The following SLC9A9 variants were observed in gnomAD, a reference collection of about 807,000 sequenced individuals.
The protein encoded by SLC9A9 is sodium/hydrogen exchanger 9.
Under a neutral mutation model 77.8 loss-of-function variants are expected in SLC9A9, and 62 were observed. That is an observed-to-expected ratio of 0.80 (90% CI 0.65 to 0.98). The LOEUF is 0.98. Ranked by LOEUF, SLC9A9 falls within the 50% of genes least tolerant of loss-of-function variation. The probability of loss-of-function intolerance (pLI) is 0.00; values close to 1 mark genes in which losing one functional copy is unlikely to be tolerated. For missense variants in SLC9A9, 775 were observed against 774.9 expected, an observed-to-expected ratio of 1.00 and a Z score of 0.00; for synonymous variants, 320 against 283.5, an observed-to-expected ratio of 1.13 and a Z score of -1.29.
chr3:143,439,445 G>T (rs889322197), intron 12 of SLC9A9, among the ~76,000 whole-genome samples: 1 of 151,182 alleles, frequency 6.6e-6, no homozygotes, highest in Non-Finnish European at 1.5e-5. Flanking sequence ...GTTCTCAGAC[G>T]GATGAGGAAA....
At chr3:143,275,246 T>A (rs1938012134) in intron 14 of SLC9A9, among the ~76,000 whole-genome samples, 1 of 152,264 alleles carries the variant, frequency 6.6e-6, no homozygotes, top group Non-Finnish European at 1.5e-5. Flanking sequence ...AATGAACTTG[T>A]GGAAACTTTC....
chr3:143,847,916 A>G, intron 1 of SLC9A9: 1 of 578,432 alleles, frequency 1.7e-6, no homozygotes, highest in Middle Eastern at 4.7e-4. Context: ...ACAGACTTGC[A>G]TTATGTGCCG....
chr3:143,570,125 G>C (rs1480268231), intron 8 of SLC9A9, among the ~76,000 whole-genome samples: 1 of 151,948 alleles, frequency 6.6e-6, no homozygotes, highest in African/African-American at 2.4e-5. Flanking sequence ...CATAGATAAA[G>C]AGTAACTGAA....
rs115116262 is a variant in SLC9A9, at chr3:143,711,267, T to C, written c.534-17960A>G. ...TTTGCAGTTGTAAAGTGAACTTTTG[T>C]AATATTTTGAATCACTTTTCAGAGT... On this transcript the variant is annotated intron_variant, in intron 4 of 15. Transcript: ENST00000316549. 8.4e-4 allele frequency among the ~76,000 whole-genome samples: 128 copies of C among 152,328 alleles called. 1 individual carries two copies. Among genetic ancestry groups the C allele is most frequent in the African/African-American group, 3.1e-3 (127 of 41,584 alleles).
At chr3:143,499,494 C>A (rs1249644417) in intron 9 of SLC9A9, among the ~76,000 whole-genome samples, 1 of 151,986 alleles carries the variant, frequency 6.6e-6, no homozygotes, top group Non-Finnish European at 1.5e-5. Flanking sequence ...GTATTCAGGG[C>A]CTTAGTAAAT....
At chr3:143,443,037 C>T (rs1459057271) in intron 12 of SLC9A9, among the ~76,000 whole-genome samples, 1 of 152,098 alleles carries the variant, frequency 6.6e-6, no homozygotes, top group Admixed American at 6.5e-5. Context: ...TGACTAAGGA[C>T]TCCATTTACA....
Position 143,711,360 on chromosome 3 carries a change from C to G in SLC9A9, c.534-18053G>C, listed in dbSNP as rs577715708. Among the ~76,000 whole-genome samples, 30 of 151,984 alleles carry G rather than the reference C, an allele frequency of 2.0e-4. No individual in the cohort carries two copies. In the East Asian group the frequency reaches 5.6e-3, roughly 28 times the overall value. On this transcript the variant is annotated intron_variant, in intron 4 of 15. Transcript: ENST00000316549. ...CTCACCAATCAAATATAGGAGAAAC[C>G]ACCAAAATGCTTTAAAGAACAATAG...
At chr3:143,381,627 G>A (rs7627518) in intron 13 of SLC9A9, among the ~76,000 whole-genome samples, 25,686 of 152,090 alleles carry the variant, frequency 0.17, 2,186 homozygotes, top group East Asian at 0.2. Flanking sequence ...GGATCACCTA[G>A]ACAGTTTTTT....
intron 4 of SLC9A9, among the ~76,000 whole-genome samples, chr3:143,740,607 A>G (rs1010264873): frequency 6.6e-6 from 1 of 152,248 alleles, no homozygotes; most frequent in Admixed American, 6.5e-5. Context: ...ATATGCTTTG[A>G]TAAACACAAG....
At chr3:143,640,158 A>T (rs1224533750) in intron 6 of SLC9A9, among the ~76,000 whole-genome samples, 2 of 151,220 alleles carry the variant, frequency 1.3e-5, no homozygotes, top group African/African-American at 4.9e-5. Flanking sequence ...GTTAGCTGGG[A>T]CTACAGGCAC....
intron 2 of SLC9A9, among the ~76,000 whole-genome samples, chr3:143,827,717 C>T (rs16854423): frequency 0.085 from 12,914 of 152,216 alleles, 1,677 homozygotes; most frequent in African/African-American, 0.28. Flanking sequence ...TCCAGCCTCT[C>T]CAAATCCTGA....
chr3:143,582,801 G>A (rs796088209), intron 6 of SLC9A9, among the ~76,000 whole-genome samples: 10 of 152,304 alleles, frequency 6.6e-5, no homozygotes, highest in African/African-American at 2.4e-4. Context: ...GTTTAGTGGA[G>A]GATGTTCTAT....
chr3:143,402,110 A>C (rs2033875635), intron 12 of SLC9A9, among the ~76,000 whole-genome samples: 1 of 152,210 alleles, frequency 6.6e-6, no homozygotes, highest in South Asian at 2.1e-4. Context: ...TGTCATTTTA[A>C]AGATAAGAAC....
Position 143,501,887 on chromosome 3 carries a change from G to T in SLC9A9, c.1090-6439C>A, listed in dbSNP as rs188596994. Among the ~76,000 whole-genome samples the T allele has an allele frequency of 2.6e-3, 396 of 150,776 alleles. 5 individuals carry two copies. Among genetic ancestry groups the T allele is most frequent in the Admixed American group, 4.4e-3 (67 of 15,218 alleles). On this transcript the variant is annotated intron_variant, in intron 9 of 15. Coordinates refer to ENST00000316549, the MANE Select transcript of SLC9A9 (RefSeq NM_173653.4). The stretch of plus-strand genomic sequence containing the variant: ...TCAAAGGGAGAATCTATACAGCAAG[G>T]CCAGCTGACAGAACCAATTTGACCG...
rs113330063 is a variant in SLC9A9, at chr3:143,580,516, G to A, written c.756-1793C>T. Among the ~76,000 whole-genome samples the A allele has an allele frequency of 3.1e-3, 471 of 152,102 alleles. 2 individuals carry two copies. The highest frequency in any genetic ancestry group is 9.7e-3 in the African/African-American group (402 of 41,466). On this transcript the variant is annotated intron_variant, in intron 6 of 15. Coordinates refer to ENST00000316549, the MANE Select transcript of SLC9A9 (RefSeq NM_173653.4). Reference sequence around the variant, plus strand: ...ATACCCTGTACCATTATTTATGTACGTTTTTCTTTAAATCATTTTTATTCA... The same window carrying A: ...ATACCCTGTACCATTATTTATGTACATTTTTCTTTAAATCATTTTTATTCA...
At chr3:143,412,312 C>A (rs7627844) in intron 12 of SLC9A9, among the ~76,000 whole-genome samples, 48,869 of 151,550 alleles carry the variant, frequency 0.32, 8,039 homozygotes, top group Non-Finnish European at 0.35. Context: ...AGACAGGGGG[C>A]AAGGGCTGTG....
intron 11 of SLC9A9, among the ~76,000 whole-genome samples, chr3:143,492,787 C>A (rs1475534421): frequency 6.6e-6 from 1 of 152,154 alleles, no homozygotes; most frequent in Non-Finnish European, 1.5e-5. Context: ...CCTATGTACC[C>A]TAAATTGTAT....
At chr3:143,663,009 G>A (rs1425599157) in intron 5 of SLC9A9, among the ~76,000 whole-genome samples, 1 of 152,198 alleles carries the variant, frequency 6.6e-6, no homozygotes, top group Non-Finnish European at 1.5e-5. Context: ...TGACCCCCAA[G>A]TAGCCTAACT....
intron 14 of SLC9A9, among the ~76,000 whole-genome samples, chr3:143,331,350 G>A (rs901796277): frequency 6.6e-6 from 1 of 152,164 alleles, no homozygotes; most frequent in African/African-American, 2.4e-5. Context: ...ACTCTGCAGG[G>A]CTGCCTTAAA....
Sources: gnomAD v4.1 joint callset for allele counts (sites outside exome capture counted in the v4.1 genomes callset) on GRCh38, gnomAD v4.1.1 for gene constraint, MANE v1.5 for transcripts, NCBI Gene and HGNC (gene_info 2026-07-23, HGNC 2026-07-21) for gene names.